NYAP2: variants seen among roughly 807,000 people sequenced by gnomAD.
The protein encoded by NYAP2 is neuronal tyrosine-phosphorylated phosphoinositide-3-kinase adapter 2.
In NYAP2, 23 loss-of-function variants were observed where a neutral mutation model predicts 50.4. The ratio of observed to expected loss-of-function variants is 0.46; its 90% CI spans 0.33 to 0.65. The LOEUF (loss-of-function observed/expected upper bound fraction) is 0.65. NYAP2 is among the 30% of genes least tolerant of loss of function. The pLI is 0.02. For missense variants in NYAP2, 885 were observed against 861.0 expected, an observed-to-expected ratio of 1.03 and a Z score of -0.35; for synonymous variants, 394 against 365.2, an observed-to-expected ratio of 1.08 and a Z score of -0.90.
chr2:225,410,849 T>A (rs1695027184), intron 3 of NYAP2, among the ~76,000 whole-genome samples: 1 of 152,136 alleles, frequency 6.6e-6, no homozygotes, highest in African/African-American at 2.4e-5. Context: ...TCCAAGGGAC[T>A]TAGGAACAGA....
the NYAP2 span, among the ~76,000 whole-genome samples, chr2:225,660,301 C>CT: frequency 6.6e-6 from 1 of 152,154 alleles, no homozygotes; most frequent in African/African-American, 2.4e-5. Flanking sequence ...CATTTCAGAA[C>CT]TGTCAGCTCT....
chr2:225,702,155 A>G, the NYAP2 span: 1 of 151,750 alleles, frequency 6.6e-6, no homozygotes, highest in Non-Finnish European at 1.5e-5. Context: ...AAAGAAATAG[A>G]AGTAGAATAG....
rs530683137 is a variant in NYAP2 at position 225,426,768 on chromosome 2, T to C, written c.221+17667T>C. Among the ~76,000 whole-genome samples, 4 of 152,234 alleles carry C rather than the reference T, an allele frequency of 2.6e-5. No individual in the cohort carries two copies. In the East Asian group the frequency reaches 7.7e-4, roughly 29 times the overall value. On this transcript the variant is annotated intron_variant, in intron 3 of 6. Coordinates refer to ENST00000636099, the Ensembl canonical transcript of NYAP2. ...TTAGTCACTTCTGCCTGACTATGAG[T>C]GATTTTATTAGGCCCACTCCACATA... is the stretch of plus-strand genomic sequence containing the variant.
chr2:225,515,455 T>C (rs1690912277), intron 4 of NYAP2, among the ~76,000 whole-genome samples: 1 of 151,542 alleles, frequency 6.6e-6, no homozygotes, highest in African/African-American at 2.4e-5. Context: ...TGAATAGTGC[T>C]ACAATGAACA....
chr2:225,603,217 C>A (rs758697939), intron 5 of NYAP2, among the ~76,000 whole-genome samples: 37 of 152,116 alleles, frequency 2.4e-4, no homozygotes, highest in Non-Finnish European at 4.7e-4. Flanking sequence ...CATGTTTATG[C>A]ATCCATTCAG....
chr2:225,665,769 A>ATTGCACTC, the NYAP2 span, among the ~76,000 whole-genome samples: 2 of 125,112 alleles, frequency 1.6e-5, no homozygotes, highest in Non-Finnish European at 3.2e-5. Flanking sequence ...AGATTGTGCC[A>ATTGCACTC]TTGCACTCCA....
upstream of NYAP2, among the ~76,000 whole-genome samples, chr2:225,397,971 A>G (rs1054225238): frequency 6.6e-6 from 1 of 152,054 alleles, no homozygotes; most frequent in South Asian, 2.1e-4. Flanking sequence ...ATATTTTCCT[A>G]AAGTTGAATA....
intron 3 of NYAP2, among the ~76,000 whole-genome samples, chr2:225,418,237 G>A (rs1012529970): frequency 6.6e-6 from 1 of 152,162 alleles, no homozygotes; most frequent in Admixed American, 6.5e-5. Flanking sequence ...GGTCCCTGAA[G>A]GACCTCACTG....
At position 225,582,916 on chromosome 2, in the gene NYAP2, G is replaced by A; in HGVS notation, c.1499G>A (p.Gly500Asp). The A allele has an allele frequency of 6.2e-7, 1 of 1,613,088 alleles. No homozygotes were observed. The highest frequency in any genetic ancestry group is 8.5e-7 in the Non-Finnish European group (1 of 1,179,868). ...GTGAACACCTACGGGGCAGCCCCGG[G>A]TGGCTCCCGGTCCCGGACACCCACG... Residue 500 changes from glycine (G) to aspartate (D), a missense_variant, in exon 5 of 7, where the codon GGT (glycine) becomes GAT (aspartate). Coordinates refer to ENST00000636099, the Ensembl canonical transcript of NYAP2. The surrounding 1 kb of genome is among the most constrained non-coding windows in gnomAD (Gnocchi z 7.0).
At chr2:225,594,668 G>A (rs2106237626) in intron 5 of NYAP2, among the ~76,000 whole-genome samples, 1 of 152,268 alleles carries the variant, frequency 6.6e-6, no homozygotes, top group African/African-American at 2.4e-5. Flanking sequence ...ATGGATTTTA[G>A]TTATAAAATA....
At chr2:225,622,516 TTC>T (rs1491178093) in intron 5 of NYAP2, among the ~76,000 whole-genome samples, 2 of 31,612 alleles carry the variant, frequency 6.3e-5, no homozygotes, top group East Asian at 1.7e-3. Context: ...CTTTCTTTCT[TTC>T]TTCTTTCTTT....
chr2:225,572,104 C>A (rs1692083570), intron 4 of NYAP2, among the ~76,000 whole-genome samples: 1 of 152,218 alleles, frequency 6.6e-6, no homozygotes, highest in South Asian at 2.1e-4. Flanking sequence ...TCATTGTTCA[C>A]ATCACTATCA....
chr2:225,687,698 T>C, the NYAP2 span, among the ~76,000 whole-genome samples: 2 of 152,314 alleles, frequency 1.3e-5, no homozygotes, highest in African/African-American at 2.4e-5. Context: ...TTTATAAATA[T>C]ATGCAAAATG....
intron 5 of NYAP2, among the ~76,000 whole-genome samples, chr2:225,603,670 T>G (rs1270145792): frequency 6.6e-6 from 1 of 152,176 alleles, no homozygotes; most frequent in African/African-American, 2.4e-5. Flanking sequence ...ATGATTTTTT[T>G]GGGTTCTGAA....
intron 4 of NYAP2, among the ~76,000 whole-genome samples, chr2:225,544,575 C>T (rs1383511525): frequency 6.6e-6 from 1 of 152,076 alleles, no homozygotes; most frequent in Non-Finnish European, 1.5e-5. Flanking sequence ...AAACTTTACA[C>T]TTTAACTTCG....
At chr2:225,511,213 A>G (rs962520039) in intron 3 of NYAP2, among the ~76,000 whole-genome samples, 2 of 152,064 alleles carry the variant, frequency 1.3e-5, no homozygotes, top group East Asian at 1.9e-4. Context: ...AGACCTTCCT[A>G]TACCAAGACT....
At chr2:225,550,270 A>G (rs1691648559) in intron 4 of NYAP2, among the ~76,000 whole-genome samples, 1 of 151,374 alleles carries the variant, frequency 6.6e-6, no homozygotes, top group African/African-American at 2.4e-5. Flanking sequence ...ATTCAGTAGA[A>G]ACTACACTTC....
chr2:225,525,097 G>T (rs1691128479), intron 4 of NYAP2, among the ~76,000 whole-genome samples: 1 of 152,140 alleles, frequency 6.6e-6, no homozygotes, highest in South Asian at 2.1e-4. Context: ...TGTTGGCAAA[G>T]ATGCAAAGAA....
At chr2:225,482,809 C>G (rs1183122169) in intron 3 of NYAP2, among the ~76,000 whole-genome samples, 1 of 152,120 alleles carries the variant, frequency 6.6e-6, no homozygotes, top group Non-Finnish European at 1.5e-5. Flanking sequence ...AAACAAACTC[C>G]TTGGGTAAAC....
Sources: gnomAD v4.1 joint callset for allele counts (sites outside exome capture counted in the v4.1 genomes callset) on GRCh38, gnomAD v4.1.1 for gene constraint, Gnocchi (gnomAD v3.1) non-coding constraint, MANE v1.5 for transcripts, NCBI Gene and HGNC (gene_info 2026-07-23, HGNC 2026-07-21) for gene names.